The following NSUN3 variants were observed in gnomAD, a reference collection of about 807,000 sequenced individuals.
The protein encoded by NSUN3 is tRNA (cytosine(34)-C(5))-methyltransferase, mitochondrial.
A neutral mutation model predicts 36.8 loss-of-function variants in NSUN3; 24 were observed. That is an observed-to-expected ratio of 0.65 (90% CI 0.47 to 0.92). The LOEUF (loss-of-function observed/expected upper bound fraction) is 0.92. Ranked by LOEUF, NSUN3 falls within the 40% of genes least tolerant of loss-of-function variation. NSUN3 has a pLI of 0.00. For synonymous variants in NSUN3, 146 were observed against 145.2 expected (o/e 1.01, Z -0.04); for missense variants, 381 against 392.8 (o/e 0.97, Z 0.25).
chr3:94,122,292 A>G (rs2077466483), intron 5 of NSUN3, among the ~76,000 whole-genome samples: 1 of 152,162 alleles, frequency 6.6e-6, no homozygotes, highest in Non-Finnish European at 1.5e-5. Flanking sequence ...ATGAGCTCCT[A>G]GTGAAAAGGA....
chr3:94,105,485 G>A (rs951303347), intron 5 of NSUN3, among the ~76,000 whole-genome samples: 6 of 152,082 alleles, frequency 3.9e-5, no homozygotes, highest in African/African-American at 1.4e-4. Context: ...GGCTACTGCA[G>A]GAGTCAAATG....
intron 2 of NSUN3, chr3:94,076,109 G>T: frequency 4.2e-6 from 6 of 1,445,706 alleles, no homozygotes; most frequent in Admixed American, 1.7e-5. Context: ...CCCGTCTTCT[G>T]CATCTTCTGG....
chr3:94,084,122 T>G lies in NSUN3; in HGVS notation c.138T>G (p.Ser46=), dbSNP rs910635691. 2.5e-6 allele frequency: 4 copies of G among 1,612,712 alleles called. No individual in the cohort carries two copies. The African/African-American group carries it at 5.3e-5, about 22-fold the overall frequency. ...CTATTTCTAGGGAGATACTAACATCTCCATCATGCTGGCAATATGCTGTCC... is the reference window on the plus strand; with the variant it reads ...CTATTTCTAGGGAGATACTAACATCGCCATCATGCTGGCAATATGCTGTCC... ...AWNTVREILT[S]PSCWQYAVLL... Residue 46 remains serine (S), a synonymous_variant, in exon 3 of 6, where the codon TCT becomes TCG. Coordinates refer to ENST00000314622, the MANE Select transcript of NSUN3 (RefSeq NM_022072.5).
intron 5 of NSUN3, among the ~76,000 whole-genome samples, chr3:94,104,973 GA>G (rs1166363706): frequency 6.6e-6 from 1 of 152,044 alleles, no homozygotes; most frequent in Non-Finnish European, 1.5e-5. Flanking sequence ...TTAATAATTT[GA>G]AAAGCTTTTA....
At chr3:94,095,613 G>A (rs141499668) in intron 5 of NSUN3, among the ~76,000 whole-genome samples, 2,388 of 152,246 alleles carry the variant, frequency 0.016, 59 homozygotes, top group African/African-American at 0.052. Context: ...GAAGGACCTG[G>A]CCACTGAACA....
chr3:94,104,354 G>C (rs1433176798), intron 5 of NSUN3, among the ~76,000 whole-genome samples: 1 of 152,166 alleles, frequency 6.6e-6, no homozygotes, highest in South Asian at 2.1e-4. Flanking sequence ...AAATAGTAAA[G>C]CTTGATAGTG....
At chr3:94,092,227 C>A (rs2077318160) in intron 3 of NSUN3, among the ~76,000 whole-genome samples, 1 of 152,344 alleles carries the variant, frequency 6.6e-6, no homozygotes, top group African/African-American at 2.4e-5. Flanking sequence ...CCTTCCTCCA[C>A]TAACCTCCAG....
At chr3:94,105,159 G>A (rs1022155021) in intron 5 of NSUN3, among the ~76,000 whole-genome samples, 2 of 152,200 alleles carry the variant, frequency 1.3e-5, no homozygotes, top group African/African-American at 2.4e-5. Flanking sequence ...TTGGGAAAAG[G>A]TGCGTCTTTG....
chr3:94,065,253 G>T (rs7644176), intron 2 of NSUN3, among the ~76,000 whole-genome samples: 6,673 of 152,190 alleles, frequency 0.044, 236 homozygotes, highest in African/African-American at 0.096. Flanking sequence ...AGATGGGTGT[G>T]GTTACAACTA....
chr3:94,064,515 A>G lies in NSUN3; in HGVS notation c.91A>G (p.Lys31Glu). 2 of 1,611,922 alleles carry G rather than the reference A, an allele frequency of 1.2e-6. No homozygotes were observed. Among genetic ancestry groups the G allele is most frequent in the Non-Finnish European group, 1.7e-6 (2 of 1,178,056 alleles). The change falls in exon 2 of 6, where the codon AAA becomes GAA. Residue 31 changes from lysine to glutamate, a missense_variant. By Grantham distance (56) the Lys-to-Glu change is moderately conservative. Coordinates refer to ENST00000314622, the MANE Select transcript of NSUN3 (RefSeq NM_022072.5). ...GGATCATTTTGAAAAACAGTATTCC[A>G]AAGAACTCGGAGATGCCTGGAATAC... ...VLDHFEKQYS[K>E]ELGDAWNTVR...
At chr3:94,103,021 G>A (rs2077372299) in intron 5 of NSUN3, among the ~76,000 whole-genome samples, 1 of 151,936 alleles carries the variant, frequency 6.6e-6, no homozygotes, top group Admixed American at 6.6e-5. Context: ...CGAGTAGCTG[G>A]GATTACAGGT....
intron 2 of NSUN3, 147 bp downstream of exon 2, chr3:94,064,693 T>C: frequency 1.8e-6 from 1 of 552,674 alleles, no homozygotes. Flanking sequence ...AAGGAACAAC[T>C]AAGAAGAAAT....
chr3:94,119,581 A>G (rs2077453426), intron 5 of NSUN3, among the ~76,000 whole-genome samples: 1 of 150,596 alleles, frequency 6.6e-6, no homozygotes, highest in Admixed American at 6.6e-5. Flanking sequence ...AATAGGTCAC[A>G]GACTGGTACT....
intron 2 of NSUN3, among the ~76,000 whole-genome samples, chr3:94,072,803 CT>C (rs373485894): frequency 7.2e-4 from 107 of 148,546 alleles, no homozygotes; most frequent in African/African-American, 2.1e-3. Flanking sequence ...AAGTTCTTCT[CT>C]TTTTTTTTTA....
intron 5 of NSUN3, among the ~76,000 whole-genome samples, chr3:94,100,290 A>G (rs12485614): frequency 1.3e-5 from 2 of 152,224 alleles, no homozygotes; most frequent in African/African-American, 2.4e-5. Context: ...GAGAACTTAC[A>G]CAGCCTTTAA....
At chr3:94,091,236 G>C (rs567186683) in intron 3 of NSUN3, among the ~76,000 whole-genome samples, 113 of 152,322 alleles carry the variant, frequency 7.4e-4, no homozygotes, top group African/African-American at 2.7e-3. Context: ...ACGATGGACA[G>C]AGGGTTGACT....
rs1326133593 is a variant in NSUN3 at position 94,131,000 on chromosome 3, C to T, written c.*4510C>T. 6.6e-6 allele frequency among the ~76,000 whole-genome samples: 1 copy of T among 152,058 alleles called. No individual in the cohort carries two copies. The highest frequency in any genetic ancestry group is 1.5e-5 in the Non-Finnish European group (1 of 68,026). ...TCATCATGGCTCACTGCAGCCTCGA[C>T]TTCCTGGGTTCAAGTTATCTTTTCG... is the stretch of plus-strand genomic sequence containing the variant. On this transcript the variant is annotated 3_prime_UTR_variant, in exon 6 of 6. Transcript: ENST00000314622.
At chr3:94,079,527 A>C (rs1361389525) in intron 2 of NSUN3, among the ~76,000 whole-genome samples, 1 of 152,092 alleles carries the variant, frequency 6.6e-6, no homozygotes, top group Non-Finnish European at 1.5e-5. Flanking sequence ...ACTGTTTTCC[A>C]ACTTGTTTCA....
rs765943080 is a variant in NSUN3 at position 94,094,214 on chromosome 3, C to T, written c.541C>T (p.Gln181Ter). The T allele has an allele frequency of 4.3e-5, 70 of 1,613,418 alleles. No individual in the cohort carries two copies. Among genetic ancestry groups the T allele is most frequent in the Non-Finnish European group, 5.7e-5 (67 of 1,179,568 alleles). ...GCAGACGTTGGAATCTTTCATCCCA[C>T]AGCCTTTGATAAATGTAATTAAAGT... ...LRQTLESFIPQPLINVIKVSE... is the reference protein window; with the variant it reads ...LRQTLESFIP Residue 181 changes from glutamine (Q) to a stop codon, truncating the protein, a stop_gained, in exon 4 of 6, where the codon CAG becomes TAG. Transcript: ENST00000314622. LOFTEE classifies it high-confidence loss of function.
Sources: allele counts gnomAD v4.1 joint callset (sites outside exome capture counted in the v4.1 genomes callset), GRCh38; gene constraint gnomAD v4.1.1; transcripts MANE v1.5; gene names NCBI Gene and HGNC (gene_info 2026-07-23, HGNC 2026-07-21).